SUMF1: variants seen among roughly 807,000 people sequenced by gnomAD.
SUMF1 encodes the protein formylglycine-generating enzyme.
SUMF1 carries 48 observed loss-of-function variants against 47.6 expected under a neutral mutation model. That is an observed-to-expected ratio of 1.01 (90% CI 0.80 to 1.28). The LOEUF (loss-of-function observed/expected upper bound fraction) is 1.28, where lower values mean the gene tolerates loss of function less well. Among genes scored for constraint, SUMF1 ranks in the 50% most tolerant of loss-of-function variants. The pLI is 0.00. For synonymous variants in SUMF1, 230 were observed against 192.1 expected, an observed-to-expected ratio of 1.20 and a Z score of -1.63; for missense variants, 571 against 485.4, an observed-to-expected ratio of 1.18 and a Z score of -1.66.
rs370966123 is a variant in SUMF1, at chr3:4,063,835, G to C, written c.1191+4734C>G. On this transcript the variant is annotated intron_variant and NMD_transcript_variant, in intron 9 of 12. Coordinates refer to the SUMF1 transcript ENST00000448413. ...CTTATTAAATTATTATATGTTTCTTGGTCTTTATTTCAAAACAAATACAGT... is the reference window on the plus strand; with the variant it reads ...CTTATTAAATTATTATATGTTTCTTCGTCTTTATTTCAAAACAAATACAGT... Among the ~76,000 whole-genome samples the C allele has an allele frequency of 2.6e-4, 40 of 152,128 alleles. No individual in the cohort carries two copies. The South Asian group carries it at 7.9e-3, about 30-fold the overall frequency.
chr3:4,244,533 A>T (rs183988117), intron 8 of SUMF1, among the ~76,000 whole-genome samples: 6 of 152,304 alleles, frequency 3.9e-5, no homozygotes, highest in African/African-American at 1.4e-4. Context: ...TTGGCTGGAT[A>T]TGAAATTCTG....
chr3:4,369,345 A>C (rs1688397), intron 8 of SUMF1, among the ~76,000 whole-genome samples: 9,305 of 152,282 alleles, frequency 0.061, 635 homozygotes, highest in South Asian at 0.27. Flanking sequence ...TGTGATCTGC[A>C]TGCAATGGAA....
chr3:4,142,613 T>C (rs1000605316), intron 8 of SUMF1, among the ~76,000 whole-genome samples: 2 of 152,116 alleles, frequency 1.3e-5, no homozygotes, highest in Non-Finnish European at 2.9e-5. Context: ...GACTACAAAA[T>C]ACAGATAAAG....
chr3:4,418,678 A>G (rs1343238144), intron 4 of SUMF1, among the ~76,000 whole-genome samples: 1 of 152,128 alleles, frequency 6.6e-6, no homozygotes. Flanking sequence ...CCTGCTTTCT[A>G]CAGGTGTGGG....
intron 8 of SUMF1, among the ~76,000 whole-genome samples, chr3:4,286,671 C>T (rs115972202): frequency 1.1e-4 from 16 of 152,024 alleles, no homozygotes; most frequent in East Asian, 5.8e-4. Context: ...AAATAAGTTT[C>T]GCAAGTTAAA....
At chr3:4,304,835 G>A (rs1698120150) in intron 8 of SUMF1, among the ~76,000 whole-genome samples, 1 of 152,114 alleles carries the variant, frequency 6.6e-6, no homozygotes, top group East Asian at 1.9e-4. Context: ...ACAGCCCTCA[G>A]GAGATGCTGA....
intron 3 of SUMF1, among the ~76,000 whole-genome samples, chr3:4,423,771 C>T (rs1381005808): frequency 6.6e-6 from 1 of 152,094 alleles, no homozygotes; most frequent in Non-Finnish European, 1.5e-5. Flanking sequence ...GGGGCAGAAC[C>T]CTTATGAATT....
intron 9 of SUMF1, among the ~76,000 whole-genome samples, chr3:4,066,288 C>A (rs73806857): frequency 6.6e-6 from 1 of 151,968 alleles, no homozygotes; most frequent in South Asian, 2.1e-4. Context: ...TGAGCAACCA[C>A]CAAAAGATGG....
chr3:4,147,124 C>T (rs1279557747), intron 8 of SUMF1, among the ~76,000 whole-genome samples: 1 of 152,122 alleles, frequency 6.6e-6, no homozygotes, highest in Non-Finnish European at 1.5e-5. Context: ...GATACCATCT[C>T]ACACCAGTTA....
intron 8 of SUMF1, among the ~76,000 whole-genome samples, chr3:4,175,784 G>C (rs960487939): frequency 6.6e-6 from 1 of 152,096 alleles, no homozygotes; most frequent in Non-Finnish European, 1.5e-5. Flanking sequence ...GAAGCTAAAA[G>C]CCTTGAAAAC....
rs184431290 is a variant in SUMF1, at chr3:4,466,490, T to C, written c.270+486A>G. ...AGATAAATAATAGCAATAAAACAACTACAGTTTGCTTAGCCCTTCCTAAGT... is the reference window on the plus strand; with the variant it reads ...AGATAAATAATAGCAATAAAACAACCACAGTTTGCTTAGCCCTTCCTAAGT... On this transcript the variant is annotated intron_variant, in intron 1 of 8. Coordinates refer to ENST00000272902, the MANE Select transcript of SUMF1 (RefSeq NM_182760.4). 4.1e-4 allele frequency among the ~76,000 whole-genome samples: 63 copies of C among 152,246 alleles called. No homozygotes were observed. The East Asian group carries it at 8.5e-3, about 21-fold the overall frequency.
At chr3:4,463,847 C>T (rs1325309762) in intron 1 of SUMF1, among the ~76,000 whole-genome samples, 1 of 152,204 alleles carries the variant, frequency 6.6e-6, no homozygotes, top group Non-Finnish European at 1.5e-5. Context: ...AATCATAACC[C>T]ACGCAGAAAA....
chr3:4,195,323 C>T (rs1695405083), intron 8 of SUMF1, among the ~76,000 whole-genome samples: 1 of 152,106 alleles, frequency 6.6e-6, no homozygotes, highest in Non-Finnish European at 1.5e-5. Flanking sequence ...GCATGTGGGT[C>T]ATAACCAATT....
intron 7 of SUMF1, among the ~76,000 whole-genome samples, chr3:4,390,526 C>T (rs1700826519): frequency 6.6e-6 from 1 of 152,150 alleles, no homozygotes; most frequent in South Asian, 2.1e-4. Flanking sequence ...CCTTTGTCTA[C>T]ACCTGTTAGC....
chr3:4,365,379 G>C (rs62257902), intron 8 of SUMF1, among the ~76,000 whole-genome samples: 81,610 of 117,844 alleles, frequency 0.69, 36,068 homozygotes, highest in Non-Finnish European at 0.9. Flanking sequence ...CTCAGGATTT[G>C]CTTTATGAAT....
rs575203103 is a variant in SUMF1 at position 4,453,658 on chromosome 3, T to G, written c.271-609A>C. On this transcript the variant is annotated intron_variant, in intron 1 of 8. Transcript: ENST00000272902. ...AAGTGATTCTCCTGCCTCAGCCTCC[T>G]GAGTAGCTGGGATTACAGGCGCCCA... Among the ~76,000 whole-genome samples, 24 of 151,630 alleles carry G rather than the reference T, an allele frequency of 1.6e-4. 1 individual carries two copies. The South Asian group carries it at 4.6e-3, about 29-fold the overall frequency.
At chr3:4,229,316 A>C (rs992702952) in intron 8 of SUMF1, 1 of 408,732 alleles carries the variant, frequency 2.4e-6, no homozygotes, top group African/African-American at 2.1e-5. Flanking sequence ...ATTCCTGTGA[A>C]ATCCTCTGGT....
At chr3:4,054,199 T>C (rs1695157135) in intron 9 of SUMF1, among the ~76,000 whole-genome samples, 1 of 152,062 alleles carries the variant, frequency 6.6e-6, no homozygotes, top group Non-Finnish European at 1.5e-5. Context: ...CACAGGCCAA[T>C]AGTGAGAAAA....
At chr3:4,345,832 G>A (rs13065921) in intron 8 of SUMF1, among the ~76,000 whole-genome samples, 5,171 of 152,156 alleles carry the variant, frequency 0.034, 115 homozygotes, top group Non-Finnish European at 0.049. Flanking sequence ...ATAAAGGGAT[G>A]GAGGAAAATT....
Sources: allele counts gnomAD v4.1 joint callset (sites outside exome capture counted in the v4.1 genomes callset), GRCh38; gene constraint gnomAD v4.1.1; transcripts MANE v1.5; gene names NCBI Gene and HGNC (gene_info 2026-07-23, HGNC 2026-07-21).